DLGAP1: variants seen among roughly 807,000 people sequenced by gnomAD.
The protein encoded by DLGAP1 is DLG associated protein 1.
DLGAP1 carries 11 observed loss-of-function variants against 90.8 expected under a neutral mutation model. That is an observed-to-expected ratio of 0.12 (90% CI 0.08 to 0.20). The LOEUF (loss-of-function observed/expected upper bound fraction) is 0.20. DLGAP1 is among the 10% of genes least tolerant of loss of function. The probability of loss-of-function intolerance (pLI) is 1.00; values close to 1 mark genes in which losing one functional copy is unlikely to be tolerated. For synonymous variants in DLGAP1, 558 were observed against 540.7 expected (o/e 1.03, Z -0.44); for missense variants, 1,050 against 1,333.8 (o/e 0.79, Z 3.31).
chr18:3,942,763 C>A (rs2072795042), intron 3 of DLGAP1, among the ~76,000 whole-genome samples: 1 of 152,220 alleles, frequency 6.6e-6, no homozygotes, highest in South Asian at 2.1e-4. Flanking sequence ...CTAACACTTA[C>A]TAAACAGTAA....
intron 3 of DLGAP1, among the ~76,000 whole-genome samples, chr18:3,990,318 T>C (rs2149049096): frequency 6.6e-6 from 1 of 152,018 alleles, no homozygotes; most frequent in East Asian, 1.9e-4. Flanking sequence ...AAATGATGAG[T>C]TCATGTCCTT....
chr18:3,685,026 A>G lies in DLGAP1; in HGVS notation c.1591+44109T>C, dbSNP rs114146356. On this transcript the variant is annotated intron_variant, in intron 7 of 12. Coordinates refer to ENST00000315677, the MANE Select transcript of DLGAP1 (RefSeq NM_004746.4). ...GTTTGGCATTATTTATAAAGCGCTAATTTTCCCCTGTAAACATTTGGAATA... is the reference window on the plus strand; with the variant it reads ...GTTTGGCATTATTTATAAAGCGCTAGTTTTCCCCTGTAAACATTTGGAATA... 9.4e-3 allele frequency among the ~76,000 whole-genome samples: 1,427 copies of G among 152,264 alleles called. 32 individuals carry two copies. Among genetic ancestry groups the G allele is most frequent in the African/African-American group, 0.032 (1,349 of 41,538 alleles).
Position 3,879,856 on chromosome 18 carries a change from G to T in DLGAP1, c.213C>A (p.Pro71=), listed in dbSNP as rs1320646506. ...CTTGCTGCGAGGTGTAGTGCCTGCG[G>T]GGGAAGGTGCTGCTGGCCAGCGGGT... ...FSDPLASSTF[P]RRHYTSQQEL... The change falls in exon 4 of 13, where the codon CCC becomes CCA. Residue 71 remains proline (P), a synonymous_variant. Coordinates refer to ENST00000315677, the MANE Select transcript of DLGAP1 (RefSeq NM_004746.4). The surrounding 1 kb of genome is among the most constrained non-coding windows in gnomAD (Gnocchi z 6.6). 1 of 1,610,204 alleles carries T rather than the reference G, an allele frequency of 6.2e-7. No individual in the cohort carries two copies. The highest frequency in any genetic ancestry group is 8.5e-7 in the Non-Finnish European group (1 of 1,179,650).
At chr18:4,402,124 C>A (rs1019864722) in intron 1 of DLGAP1, among the ~76,000 whole-genome samples, 8 of 152,192 alleles carry the variant, frequency 5.3e-5, no homozygotes, top group African/African-American at 1.9e-4. Flanking sequence ...TCAGAGAACA[C>A]TAAAATATAT....
At chr18:4,007,782 G>C (rs1158290807) in intron 2 of DLGAP1, among the ~76,000 whole-genome samples, 1 of 152,176 alleles carries the variant, frequency 6.6e-6, no homozygotes, top group East Asian at 1.9e-4. Context: ...ATACCATGGT[G>C]ACTTATGTCA....
At chr18:4,175,493 A>G (rs1020608236) in intron 1 of DLGAP1, among the ~76,000 whole-genome samples, 4 of 152,196 alleles carry the variant, frequency 2.6e-5, no homozygotes, top group Non-Finnish European at 5.9e-5. Context: ...ATCTTTGCCC[A>G]TGCCTATGTC....
At position 3,557,118 on chromosome 18, in the gene DLGAP1, G is replaced by A. The variant is rs192342122; in HGVS notation, c.2057+10372C>T. Among the ~76,000 whole-genome samples, 37 of 152,168 alleles carry A rather than the reference G, an allele frequency of 2.4e-4. 2 individuals carry two copies. Among genetic ancestry groups the A allele is most frequent in the Admixed American group, 1.9e-3 (29 of 15,296 alleles). Reference sequence around the variant, plus strand: ...GCTCTTCTTTTTCTAGTGTCCTATGGTGGAAGCTTAAATAATTGATGTGAA... The same window carrying A: ...GCTCTTCTTTTTCTAGTGTCCTATGATGGAAGCTTAAATAATTGATGTGAA... On this transcript the variant is annotated intron_variant, in intron 9 of 12. Transcript: ENST00000315677.
chr18:3,639,405 A>AGAAAAGAAAAGAAAAGAAAAGAAAAG (rs1555611479), intron 7 of DLGAP1, among the ~76,000 whole-genome samples: 2 of 151,234 alleles, frequency 1.3e-5, no homozygotes, highest in African/African-American at 2.4e-5. Flanking sequence ...AGAAAAGAAA[A>AGAAAAGAAAAGAAAAGAAAAGAAAAG]ATCCCCAAAG....
intron 3 of DLGAP1, among the ~76,000 whole-genome samples, chr18:3,977,434 G>GTGTTTTTTTTTTTTT (rs1555718019): frequency 2.1e-5 from 2 of 95,330 alleles, no homozygotes; most frequent in African/African-American, 8.4e-5. Flanking sequence ...TTTATTCTGT[G>GTGTTTTTTTTTTTTT]TTTTTTTTTT....
intron 9 of DLGAP1, among the ~76,000 whole-genome samples, chr18:3,547,386 G>T (rs1290219257): frequency 7.1e-6 from 1 of 140,124 alleles, no homozygotes; most frequent in African/African-American, 2.7e-5. Context: ...AATGTATAAA[G>T]AACTCTTAAA....
intron 2 of DLGAP1, among the ~76,000 whole-genome samples, chr18:4,133,264 C>T (rs1186674256): frequency 6.6e-6 from 1 of 152,162 alleles, no homozygotes; most frequent in Non-Finnish European, 1.5e-5. Context: ...TCAAGGGCTT[C>T]CAACAGGGCT....
rs370321663 is a variant in DLGAP1 at position 4,329,704 on chromosome 18, T to C, written c.-267+125302A>G. ...TTTCAGTCTATAGATTTTGAAAACA[T>C]GGGTTGCATTTATTTCTGTTTTTAA... is the stretch of plus-strand genomic sequence containing the variant. On this transcript the variant is annotated intron_variant, in intron 1 of 12. Coordinates refer to ENST00000315677, the MANE Select transcript of DLGAP1 (RefSeq NM_004746.4). 6.8e-4 allele frequency among the ~76,000 whole-genome samples: 103 copies of C among 152,146 alleles called. 1 individual carries two copies. The South Asian group carries it at 8.3e-3, about 12-fold the overall frequency.
At chr18:4,138,811 CATT>C (rs1490380302) in intron 2 of DLGAP1, among the ~76,000 whole-genome samples, 1 of 151,916 alleles carries the variant, frequency 6.6e-6, no homozygotes, top group South Asian at 2.1e-4. Context: ...GCTTTGATCT[CATT>C]AGTTGTTATT....
intron 1 of DLGAP1, among the ~76,000 whole-genome samples, chr18:4,282,340 G>A (rs2079573466): frequency 6.8e-6 from 1 of 147,794 alleles, no homozygotes; most frequent in Non-Finnish European, 1.5e-5. Context: ...TTCCAACCTG[G>A]GCAACAAAGC....
chr18:4,366,081 T>C (rs2081758451), intron 1 of DLGAP1, among the ~76,000 whole-genome samples: 2 of 152,126 alleles, frequency 1.3e-5, no homozygotes, highest in South Asian at 2.1e-4. Flanking sequence ...GACCGAGATA[T>C]ACTTTCAACT....
At chr18:3,771,031 G>C (rs2064506816) in intron 5 of DLGAP1, 1 of 152,078 alleles carries the variant, frequency 6.6e-6, no homozygotes, top group African/African-American at 2.4e-5. Context: ...GAGAAGCACC[G>C]AACAATCACT....
intron 1 of DLGAP1, among the ~76,000 whole-genome samples, chr18:4,423,938 G>C (rs190786154): frequency 2.0e-5 from 3 of 151,532 alleles, no homozygotes; most frequent in Admixed American, 1.3e-4. Flanking sequence ...TAGATCATGA[G>C]GTCAGGAGTT....
intron 1 of DLGAP1, among the ~76,000 whole-genome samples, chr18:4,290,600 G>A (rs543878925): frequency 1.3e-5 from 2 of 152,142 alleles, no homozygotes; most frequent in East Asian, 1.9e-4. Flanking sequence ...CATCAAAGAC[G>A]GACAGTCTAG....
intron 2 of DLGAP1, among the ~76,000 whole-genome samples, chr18:4,071,371 G>C (rs193077668): frequency 6.6e-6 from 1 of 152,034 alleles, no homozygotes; most frequent in Admixed American, 6.6e-5. Context: ...ACTTTTCATA[G>C]GAAATAATAA....
Sources: allele counts gnomAD v4.1 joint callset (sites outside exome capture counted in the v4.1 genomes callset), GRCh38; gene constraint gnomAD v4.1.1; non-coding constraint Gnocchi (gnomAD v3.1); transcripts MANE v1.5; gene names NCBI Gene and HGNC (gene_info 2026-07-23, HGNC 2026-07-21).